Variants in AGL observed in about 807,000 individuals in gnomAD.
The protein encoded by AGL is amylo-alpha-1,6-glucosidase and 4-alpha-glucanotransferase.
In AGL, 128 loss-of-function variants were observed where a neutral mutation model predicts 199.3. The observed-to-expected ratio is 0.64, with a 90% confidence interval of 0.56 to 0.74. The LOEUF is 0.74. AGL is among the 30% of genes least tolerant of loss of function. AGL has a pLI of 0.00. For synonymous variants in AGL, 584 were observed against 594.7 expected (o/e 0.98, Z 0.26); for missense variants, 1,809 against 1,820.8 (o/e 0.99, Z 0.12).
chr1:99,850,033 C>G (rs1386908910), upstream of AGL: 1 of 152,384 alleles, frequency 6.6e-6, no homozygotes, highest in Non-Finnish European at 1.5e-5. Flanking sequence ...TGAGACGGTG[C>G]GGTGCCCACG....
At chr1:99,873,363 A>G (rs919419320) in intron 7 of AGL, among the ~76,000 whole-genome samples, 11 of 151,718 alleles carry the variant, frequency 7.3e-5, no homozygotes, top group South Asian at 2.1e-4. Context: ...TATTCTATCA[A>G]TACTAAAGAT....
chr1:99,871,249 A>G (rs561118506), intron 7 of AGL, among the ~76,000 whole-genome samples: 29 of 152,282 alleles, frequency 1.9e-4, no homozygotes, highest in African/African-American at 7.0e-4. Flanking sequence ...CCTGTTGTCT[A>G]TAGTAAGAAC....
At chr1:99,920,977 G>T (rs944449358) in intron 33 of AGL, among the ~76,000 whole-genome samples, 1 of 152,092 alleles carries the variant, frequency 6.6e-6, no homozygotes, top group South Asian at 2.1e-4. Context: ...TCCTTACAGG[G>T]TTACTGTGAA....
At chr1:99,891,898 T>A (rs924063992) in intron 23 of AGL, among the ~76,000 whole-genome samples, 159 bp downstream of exon 23, 2 of 152,162 alleles carry the variant, frequency 1.3e-5, no homozygotes, top group Non-Finnish European at 2.9e-5. Flanking sequence ...CTTTAGTCTG[T>A]GTAGCATACA....
intron 33 of AGL, among the ~76,000 whole-genome samples, chr1:99,917,828 G>A (rs532683433): frequency 7.2e-5 from 11 of 151,826 alleles, no homozygotes; most frequent in African/African-American, 2.7e-4. Context: ...TTCCCCTCCC[G>A]GCCTGTGTGC....
Position 99,884,587 on chromosome 1 carries a change from T to A in AGL, c.2565T>A (p.His855Gln). Residue 855 changes from histidine (H) to glutamine (Q), a missense_variant, in exon 20 of 34, where the codon CAT becomes CAA. Transcript: ENST00000361915. The part of the protein sequence containing the change: ...VIIFRVSLDP[H>Q]AQVAVGILRN... ...TTTTCAGAGTTAGTCTTGATCCACA[T>A]GCACAAGTCGCTGTTGGAATTCTTC... The A allele has an allele frequency of 6.2e-7, 1 of 1,614,014 alleles. No homozygotes were observed.
At chr1:99,852,108 T>TAA in intron 2 of AGL, among the ~76,000 whole-genome samples, 1 of 152,154 alleles carries the variant, frequency 6.6e-6, no homozygotes, top group East Asian at 1.9e-4. Context: ...CACTTTTTAA[T>TAA]TAATTATGGG....
At chr1:99,894,019 C>T (rs1251548847) in intron 24 of AGL, among the ~76,000 whole-genome samples, 1 of 151,036 alleles carries the variant, frequency 6.6e-6, no homozygotes, top group African/African-American at 2.4e-5. Context: ...CCCATCTTTA[C>T]CAAAAAAAAA....
intron 24 of AGL, among the ~76,000 whole-genome samples, chr1:99,893,633 A>G (rs1319423793): frequency 6.6e-6 from 1 of 152,228 alleles, no homozygotes; most frequent in African/African-American, 2.4e-5. Context: ...TCTTCAAAAT[A>G]TACACTTTAA....
Position 99,915,441 on chromosome 1 carries a change from A to T in AGL, c.4214A>T (p.Glu1405Val). Residue 1405 changes from glutamate (E) to valine (V), a missense_variant, in exon 31 of 34, where the codon GAA (glutamate) becomes GTA (valine). Physicochemically the swap from Glu to Val is moderately radical, Grantham distance 121. Transcript: ENST00000361915. ...GCATGGAAAGCTTTGGAGATTGCAG[A>T]AAAAAAATTGCTTGGTCCCCTTGGC... ...EKAWKALEIAEKKLLGPLGMK... is the reference protein window; with the variant it reads ...EKAWKALEIAVKKLLGPLGMK... The T allele has an allele frequency of 6.2e-7, 1 of 1,613,596 alleles. No individual in the cohort carries two copies. The highest frequency in any genetic ancestry group is 8.5e-7 in the Non-Finnish European group (1 of 1,179,734).
In AGL at chr1:99,855,156, G is replaced by A. The variant is rs148959392; in HGVS notation, c.82+4032G>A. 3.4e-3 allele frequency among the ~76,000 whole-genome samples: 514 copies of A among 152,020 alleles called. 5 individuals carry two copies. Among genetic ancestry groups the A allele is most frequent in the African/African-American group, 0.012 (491 of 41,438 alleles). ...GCGGAGGTTTCAGTAAGCCAAGATC[G>A]TGCCAATGCACTCCAGCCCGGGCAA... On this transcript the variant is annotated intron_variant, in intron 2 of 33. Transcript: ENST00000361915.
intron 25 of AGL, among the ~76,000 whole-genome samples, chr1:99,897,989 T>C (rs1339653198): frequency 6.6e-6 from 1 of 152,194 alleles, no homozygotes; most frequent in African/African-American, 2.4e-5. Context: ...AGATTATTGG[T>C]TAGCAAACTG....
chr1:99,877,479 T>C (rs1020037274), intron 11 of AGL, among the ~76,000 whole-genome samples, 162 bp from the exon 12 acceptor site: 1 of 152,200 alleles, frequency 6.6e-6, no homozygotes, highest in Non-Finnish European at 1.5e-5. Flanking sequence ...TAAATAATTA[T>C]TAATTTTTTA....
At chr1:99,903,200 A>T (rs571323482) in intron 27 of AGL, among the ~76,000 whole-genome samples, 1 of 152,254 alleles carries the variant, frequency 6.6e-6, no homozygotes, top group African/African-American at 2.4e-5. Context: ...GGTTTGTTAC[A>T]TATGTATACA....
chr1:99,877,520 T>G (rs1651648320), intron 11 of AGL, 121 bp from the exon 12 acceptor site: 2 of 855,750 alleles, frequency 2.3e-6, no homozygotes, highest in Non-Finnish European at 3.8e-6. Flanking sequence ...TTAGATATAA[T>G]TTAACCAATA....
Position 99,902,822 on chromosome 1 carries a change from A to G in AGL, c.3700+28A>G, listed in dbSNP as rs146163467. ...ACAGAACTTTAACTAAAATAGTACA[A>G]ATTTATCAAGGTGATGAAATTAAAC... On this transcript the variant is annotated intron_variant, in intron 27 of 33. Transcript: ENST00000361915. The G allele has an allele frequency of 2.3e-5, 36 of 1,532,588 alleles. No homozygotes were observed. The East Asian group carries it at 4.5e-4, about 19-fold the overall frequency. 94.9% of individuals were successfully genotyped at this position (1,532,588 alleles called of 1,614,324 possible). A position where few individuals can be genotyped will look rare whatever the true frequency, so the allele number is the denominator to read the frequency against.
rs765807203 is a variant in AGL, at chr1:99,910,829, G to T, written c.3818G>T (p.Gly1273Val). ...GAAAGTGACAGAGCTAGAAACAGAGGAATCCCAGCCACACCAAGGTAGTGT... is the reference window on the plus strand; with the variant it reads ...GAAAGTGACAGAGCTAGAAACAGAGTAATCCCAGCCACACCAAGGTAGTGT... ...MGESDRARNR[G>V]IPATPRDGSA... The change falls in exon 28 of 34, where the codon GGA becomes GTA. Residue 1273 changes from glycine (G) to valine (V), a missense_variant. Coordinates refer to ENST00000361915, the MANE Select transcript of AGL (RefSeq NM_000642.3). 6 of 1,612,724 alleles carry T rather than the reference G, an allele frequency of 3.7e-6. No homozygotes were observed. Among genetic ancestry groups the T allele is most frequent in the South Asian group, 1.1e-5 (1 of 90,964 alleles).
intron 5 of AGL, among the ~76,000 whole-genome samples, chr1:99,868,441 A>G (rs1384489102): frequency 6.6e-6 from 1 of 152,064 alleles, no homozygotes; most frequent in Non-Finnish European, 1.5e-5. Flanking sequence ...GTGAAACCCC[A>G]TCTCTACTAA....
intron 28 of AGL, among the ~76,000 whole-genome samples, 192 bp downstream of exon 28, chr1:99,911,039 G>C (rs753664532): frequency 2.6e-5 from 4 of 152,078 alleles, no homozygotes; most frequent in Non-Finnish European, 5.9e-5. Flanking sequence ...AACACTATCT[G>C]TTCTTTTCTG....
Sources: allele counts gnomAD v4.1 joint callset (sites outside exome capture counted in the v4.1 genomes callset), GRCh38; gene constraint gnomAD v4.1.1; transcripts MANE v1.5; gene names NCBI Gene and HGNC (gene_info 2026-07-23, HGNC 2026-07-21).